The following DLG2 variants were observed in gnomAD, a reference collection of about 807,000 sequenced individuals.
DLG2 encodes disks large homolog 2.
A neutral mutation model predicts 132.5 loss-of-function variants in DLG2; 45 were observed. That is an observed-to-expected ratio of 0.34 (90% CI 0.27 to 0.44). The LOEUF is 0.44. Ranked by LOEUF, DLG2 falls within the 20% of genes least tolerant of loss-of-function variation. DLG2 has a pLI of 1.00. For synonymous variants in DLG2, 424 were observed against 419.6 expected (o/e 1.01, Z -0.13); for missense variants, 1,045 against 1,196.9 (o/e 0.87, Z 1.87).
At chr11:83,792,861 C>T (rs2041939629) in intron 17 of DLG2, among the ~76,000 whole-genome samples, 1 of 152,182 alleles carries the variant, frequency 6.6e-6, no homozygotes, top group African/African-American at 2.4e-5. Context: ...TGATAGGTAT[C>T]GCCAGACTGC....
chr11:84,736,778 G>T (rs1309611138), intron 6 of DLG2, among the ~76,000 whole-genome samples: 7 of 151,874 alleles, frequency 4.6e-5, no homozygotes, highest in Admixed American at 4.6e-4. Context: ...TAGTCTGGTA[G>T]CTTTTTAAAT....
chr11:84,296,279 C>T (rs1028551420), intron 7 of DLG2, among the ~76,000 whole-genome samples: 2 of 151,572 alleles, frequency 1.3e-5, no homozygotes, highest in African/African-American at 4.9e-5. Flanking sequence ...GAATGAACAA[C>T]AGACACAGGC....
At chr11:84,418,243 A>T (rs1186993336) in intron 7 of DLG2, among the ~76,000 whole-genome samples, 1 of 152,202 alleles carries the variant, frequency 6.6e-6, no homozygotes, top group Non-Finnish European at 1.5e-5. Context: ...GGCACATAGT[A>T]AGACTTACAA....
chr11:84,073,658 T>C (rs1284615400), intron 10 of DLG2, among the ~76,000 whole-genome samples: 2 of 152,218 alleles, frequency 1.3e-5, no homozygotes, highest in African/African-American at 4.8e-5. Flanking sequence ...TTTTAAACTT[T>C]AGCGGTTAGG....
intron 11 of DLG2, among the ~76,000 whole-genome samples, chr11:84,006,544 T>C (rs141543810): frequency 2.0e-5 from 3 of 151,572 alleles, no homozygotes; most frequent in Non-Finnish European, 4.4e-5. Context: ...TATTTAATAC[T>C]TAAGTATTTA....
chr11:84,781,795 G>C (rs1342395216), intron 6 of DLG2, among the ~76,000 whole-genome samples: 1 of 152,102 alleles, frequency 6.6e-6, no homozygotes, highest in Admixed American at 6.6e-5. Flanking sequence ...AAGGAAACAA[G>C]ATATTTCCAT....
At chr11:84,040,021 T>C (rs888777158) in intron 11 of DLG2, among the ~76,000 whole-genome samples, 13 of 151,642 alleles carry the variant, frequency 8.6e-5, no homozygotes, top group Non-Finnish European at 1.6e-4. Context: ...ATGTCTTCTT[T>C]TGAGAAGTGT....
intron 3 of DLG2, among the ~76,000 whole-genome samples, chr11:85,345,603 C>G (rs1235422439): frequency 1.3e-5 from 2 of 152,102 alleles, no homozygotes; most frequent in African/African-American, 4.8e-5. Context: ...TATCCTTTCA[C>G]TGGGCCATGC....
chr11:85,338,160 A>C (rs528259611), intron 3 of DLG2, among the ~76,000 whole-genome samples: 1 of 152,342 alleles, frequency 6.6e-6, no homozygotes, highest in South Asian at 2.1e-4. Context: ...TTTTCAATAA[A>C]TGCATCTTAA....
At chr11:83,585,330 T>G (rs1033496426) in intron 19 of DLG2, among the ~76,000 whole-genome samples, 1 of 152,170 alleles carries the variant, frequency 6.6e-6, no homozygotes, top group Non-Finnish European at 1.5e-5. Flanking sequence ...GGCCAGGGAA[T>G]GTACCATACA....
chr11:85,020,839 T>G (rs1322110349), intron 6 of DLG2: 1 of 745,824 alleles, frequency 1.3e-6, no homozygotes, highest in Non-Finnish European at 2.5e-6. Flanking sequence ...CAGCTGGCCA[T>G]CCCCCAATCT....
At chr11:84,917,532 A>C (rs2092544424) in intron 6 of DLG2, among the ~76,000 whole-genome samples, 1 of 152,176 alleles carries the variant, frequency 6.6e-6, no homozygotes, top group African/African-American at 2.4e-5. Context: ...TCTAAACTTT[A>C]GTTTCCTCAT....
chr11:83,839,824 G>A (rs75860421), intron 16 of DLG2, among the ~76,000 whole-genome samples: 56 of 152,192 alleles, frequency 3.7e-4, no homozygotes, highest in African/African-American at 1.0e-3. Context: ...GTTCAATACC[G>A]CATTCCATGC....
intron 6 of DLG2, among the ~76,000 whole-genome samples, chr11:84,833,973 T>C (rs2079381143): frequency 6.6e-6 from 1 of 151,608 alleles, no homozygotes; most frequent in Non-Finnish European, 1.5e-5. Context: ...ATATGCTAAC[T>C]TGGCAATTTA....
chr11:85,016,705 CA>C (rs2059607256), intron 6 of DLG2, among the ~76,000 whole-genome samples: 2 of 152,160 alleles, frequency 1.3e-5, no homozygotes, highest in African/African-American at 4.8e-5. Flanking sequence ...TCATTTCCCT[CA>C]AAAAACTTCT....
chr11:84,277,630 A>G (rs900104256), intron 7 of DLG2, among the ~76,000 whole-genome samples: 22 of 152,208 alleles, frequency 1.4e-4, no homozygotes, highest in African/African-American at 5.3e-4. Context: ...GGTAGTGTCA[A>G]ATTACTGACT....
intron 3 of DLG2, among the ~76,000 whole-genome samples, chr11:85,491,626 G>A (rs527917949): frequency 6.6e-6 from 1 of 151,842 alleles, no homozygotes; most frequent in South Asian, 2.1e-4. Flanking sequence ...ATCCAAAAAA[G>A]AAATTTATTT....
intron 7 of DLG2, among the ~76,000 whole-genome samples, chr11:84,300,470 C>T (rs891838030): frequency 1.3e-5 from 2 of 152,168 alleles, no homozygotes; most frequent in African/African-American, 4.8e-5. Flanking sequence ...GTTAAGAAGA[C>T]CCTGCTATAT....
intron 7 of DLG2, among the ~76,000 whole-genome samples, chr11:84,372,040 C>T (rs1202723058): frequency 3.9e-5 from 6 of 152,040 alleles, no homozygotes; most frequent in African/African-American, 7.2e-5. Context: ...GGATTTTAAG[C>T]GGTAATTTGT....
Sources: gnomAD v4.1 joint callset for allele counts (sites outside exome capture counted in the v4.1 genomes callset) on GRCh38, gnomAD v4.1.1 for gene constraint, MANE v1.5 for transcripts, NCBI Gene and HGNC (gene_info 2026-07-23, HGNC 2026-07-21) for gene names.